LBP: variants seen among roughly 807,000 people sequenced by gnomAD.
LBP encodes the protein lipopolysaccharide binding protein.
In LBP, 53 loss-of-function variants were observed where a neutral mutation model predicts 56.6. That is an observed-to-expected ratio of 0.94 (90% confidence interval 0.75 to 1.18). The LOEUF (loss-of-function observed/expected upper bound fraction) is 1.18. Ranked by LOEUF, LBP falls within the 50% of genes most tolerant of loss-of-function variation. LBP has a pLI of 0.00. For missense variants in LBP, 601 were observed against 598.3 expected (o/e 1.00, Z -0.05); for synonymous variants, 227 against 247.5 (o/e 0.92, Z 0.78).
chr20:38,372,395 A>G (rs781483451), intron 12 of LBP, among the ~76,000 whole-genome samples: 1 of 152,224 alleles, frequency 6.6e-6, no homozygotes, highest in Non-Finnish European at 1.5e-5. Flanking sequence ...GGAGTGAATA[A>G]TGGTGCACTC....
chr20:38,347,301 T>C (rs866771816), intron 1 of LBP, among the ~76,000 whole-genome samples: 1 of 152,192 alleles, frequency 6.6e-6, no homozygotes, highest in African/African-American at 2.4e-5. Flanking sequence ...CCCAGCACTT[T>C]GGGAGGCCGA....
rs2232613 is a variant in LBP at position 38,369,011 on chromosome 20, C to T, written c.998C>T (p.Pro333Leu). The change falls in exon 10 of 15, where the codon CCC becomes CTC. Residue 333 changes from proline to leucine, a missense_variant. Transcript: ENST00000217407. Reference protein sequence around the residue: ...PFVPRLARLYPNMNLELQGSV... With the variant: ...PFVPRLARLYLNMNLELQGSV... ...TGCTCCCAGTTAGCCAGGCTCTACC[C>T]CAACATGAACCTGGAACTCCAGGGA... is the stretch of plus-strand genomic sequence containing the variant. The T allele has an allele frequency of 0.076, 123,105 of 1,613,568 alleles. 5,325 individuals carry two copies. The highest frequency in any genetic ancestry group is 0.091 in the African/African-American group (6,794 of 74,998).
intron 5 of LBP, 32 bp from the exon 6 acceptor site, chr20:38,360,670 ACT>A (rs1290055484): frequency 4.1e-6 from 6 of 1,468,574 alleles, no homozygotes; most frequent in Non-Finnish European, 5.7e-6. Flanking sequence ...GAGCTGGGGA[ACT>A]CACTCAGTCA....
intron 1 of LBP, among the ~76,000 whole-genome samples, chr20:38,349,133 G>A (rs1045384529): frequency 2.6e-5 from 4 of 152,194 alleles, no homozygotes; most frequent in African/African-American, 9.6e-5. Context: ...GATGAACAAA[G>A]TGAAGGTTGT....
chr20:38,374,719 G>A (rs2076912088), intron 14 of LBP, among the ~76,000 whole-genome samples: 1 of 151,184 alleles, frequency 6.6e-6, no homozygotes. Flanking sequence ...TAAGGTTGAA[G>A]AGCTTTATTA....
intron 1 of LBP, among the ~76,000 whole-genome samples, chr20:38,348,533 G>A (rs930390090): frequency 1.3e-5 from 2 of 152,056 alleles, no homozygotes; most frequent in Non-Finnish European, 2.9e-5. Context: ...GGATGGTCTC[G>A]ATGATCCACC....
At chr20:38,376,420 T>A (rs1441859523) in intron 14 of LBP, among the ~76,000 whole-genome samples, 1 of 152,154 alleles carries the variant, frequency 6.6e-6, no homozygotes, top group African/African-American at 2.4e-5. Context: ...GAATGACAGA[T>A]CGATCTCTAC....
Position 38,354,332 on chromosome 20 carries a change from GGT to G in LBP, c.418_419del (p.Val140GlnfsTer22), listed in dbSNP as rs775264055. 1.5e-5 allele frequency: 25 copies of G among 1,613,604 alleles called. No individual in the cohort carries two copies. The highest frequency in any genetic ancestry group is 3.3e-5 in the Admixed American group (2 of 59,978). On this transcript the variant is annotated frameshift_variant, in exon 4 of 15. Transcript: ENST00000217407. LOFTEE classifies it high-confidence loss of function. ...TCAGTGTCAAGGGCATCAGCATTTC[GGT>G]CAACCTCCTGTTGGGCAGCGAGTCC... ...DVSVKGISIS[V>X]NLLLGSESSG...
intron 9 of LBP, among the ~76,000 whole-genome samples, chr20:38,368,008 A>G (rs1254984985): frequency 6.6e-6 from 1 of 152,176 alleles, no homozygotes; most frequent in Non-Finnish European, 1.5e-5. Context: ...CCTGGACAAC[A>G]TAGCAAAACC....
chr20:38,368,939 C>G, intron 9 of LBP, 56 bp from the exon 10 acceptor site: 3 of 1,565,172 alleles, frequency 1.9e-6, no homozygotes, highest in Non-Finnish European at 2.6e-6. Context: ...TCAGGCCTCT[C>G]CTGGCAGACT....
chr20:38,373,427 C>T (rs1012238707), intron 13 of LBP, among the ~76,000 whole-genome samples: 1 of 152,162 alleles, frequency 6.6e-6, no homozygotes, highest in Non-Finnish European at 1.5e-5. Context: ...AGAGGCAGGT[C>T]AAAGACTGAG....
In LBP at chr20:38,376,851, T is replaced by G. The variant is rs999792187; in HGVS notation, c.*182T>G. 2 of 716,728 alleles carry G rather than the reference T, an allele frequency of 2.8e-6. No homozygotes were observed. The highest frequency in any genetic ancestry group is 1.7e-5 in the African/African-American group (1 of 57,638). 44.4% of individuals were successfully genotyped at this position (716,728 alleles called of 1,614,324 possible). ...TCACCAGGTGCATGCATGCCCTCTC[T>G]GAGTCTGGACTTTGCTTCCCCTCCA... On this transcript the variant is annotated 3_prime_UTR_variant, in exon 15 of 15. Transcript: ENST00000217407.
At chr20:38,368,237 G>A (rs1330386346) in intron 9 of LBP, among the ~76,000 whole-genome samples, 1 of 152,100 alleles carries the variant, frequency 6.6e-6, no homozygotes, top group Non-Finnish European at 1.5e-5. Context: ...CCTTGGGAGA[G>A]GTAGGGAGGG....
At chr20:38,360,889 G>A (rs574484429) in intron 6 of LBP, 122 bp downstream of exon 6, 18 of 686,096 alleles carry the variant, frequency 2.6e-5, no homozygotes, top group South Asian at 1.8e-4. Flanking sequence ...AGGGCCAGGC[G>A]CAGCGGCTCA....
chr20:38,355,282 G>A (rs1371352122), intron 4 of LBP, 64 bp from the exon 5 acceptor site: 1 of 1,473,332 alleles, frequency 6.8e-7, no homozygotes, highest in African/African-American at 1.4e-5. Context: ...AGGGACCAGG[G>A]CCTGGCTTTC....
intron 13 of LBP, 112 bp from the exon 14 acceptor site, chr20:38,373,825 C>A: frequency 1.1e-6 from 1 of 917,218 alleles, no homozygotes; most frequent in Non-Finnish European, 1.7e-6. Flanking sequence ...TTGGAAATCA[C>A]TAAATGGGAA....
At position 38,350,474 on chromosome 20, in the gene LBP, C is replaced by T. The variant is rs140094389; in HGVS notation, c.240-337C>T. Among the ~76,000 whole-genome samples, 19 of 152,246 alleles carry T rather than the reference C, an allele frequency of 1.2e-4. No homozygotes were observed. The East Asian group carries it at 1.3e-3, about 11-fold the overall frequency. ...CTGCAAACCCAAAGGGATATGTCTA[C>T]GGACCTTCTCAGGATGCCACCGGGG... is the stretch of plus-strand genomic sequence containing the variant. On this transcript the variant is annotated intron_variant, in intron 2 of 14. Coordinates refer to ENST00000217407, the MANE Select transcript of LBP (RefSeq NM_004139.5).
At chr20:38,364,552 A>T (rs2232606) in intron 7 of LBP, 24 bp from the exon 8 acceptor site, 59 of 1,613,154 alleles carry the variant, frequency 3.7e-5, no homozygotes, top group Non-Finnish European at 4.9e-5. Flanking sequence ...GAAAAGTCCA[A>T]TTGGACCCTA....
chr20:38,362,350 C>T (rs2076863776), intron 6 of LBP, among the ~76,000 whole-genome samples: 2 of 145,914 alleles, frequency 1.4e-5, no homozygotes, highest in African/African-American at 5.0e-5. Flanking sequence ...TGAGAGCTCA[C>T]GCCTGTAATC....
Sources: allele counts gnomAD v4.1 joint callset (sites outside exome capture counted in the v4.1 genomes callset), GRCh38; gene constraint gnomAD v4.1.1; transcripts MANE v1.5; gene names NCBI Gene and HGNC (gene_info 2026-07-23, HGNC 2026-07-21).